COL1A2: variants seen among roughly 807,000 people sequenced by gnomAD.
The protein encoded by COL1A2 is collagen alpha-2(I) chain.
COL1A2 carries 49 observed loss-of-function variants against 174.3 expected under a neutral mutation model. The ratio of observed to expected loss-of-function variants is 0.28; its 90% CI spans 0.22 to 0.36. COL1A2 has a LOEUF of 0.36. Among genes scored for constraint, COL1A2 ranks in the 10% least tolerant of loss-of-function variants. The pLI, the probability that COL1A2 is intolerant of heterozygous loss-of-function variation, is 1.00. For missense variants in COL1A2, 1,438 were observed against 1,822.7 expected (o/e 0.79, Z 3.84); for synonymous variants, 655 against 606.6 (o/e 1.08, Z -1.17).
Position 94,401,596 on chromosome 7 carries a change from A to G in COL1A2, c.255A>G (p.Gly85=), listed in dbSNP as rs772309296. The change falls in exon 6 of 52, where the codon GGA becomes GGG. Residue 85 remains glycine (G), a synonymous_variant. Transcript: ENST00000297268. The stretch of plus-strand genomic sequence containing the variant: ...TTGCTGCTCAGTATGATGGAAAAGG[A>G]GTTGGACTTGGCCCTGGACCAATGG... ...GNFAAQYDGK[G]VGLGPGPMGL... The G allele has an allele frequency of 1.3e-6, 2 of 1,575,028 alleles. No homozygotes were observed. Among genetic ancestry groups the G allele is most frequent in the Admixed American group, 3.4e-5 (2 of 58,622 alleles).
chr7:94,406,266 A>G lies in COL1A2; in HGVS notation c.557A>G (p.Asp186Gly). Residue 186 changes from aspartate to glycine, a missense_variant, in exon 12 of 52, where the codon GAT becomes GGT. By Grantham distance (94) the Asp-to-Gly change is moderately conservative. This residue lies in a region of COL1A2 where 281 missense variants were observed against 310.9 expected (regional missense o/e 0.90). Transcript: ENST00000297268. ...TCCTTTCAGGGACACAATGGTCTGGATGGATTGAAGGGACAGCCCGGTGCT... is the reference window on the plus strand; with the variant it reads ...TCCTTTCAGGGACACAATGGTCTGGGTGGATTGAAGGGACAGCCCGGTGCT... ...FKGIRGHNGL[D>G]GLKGQPGAPG... 6.2e-7 allele frequency: 1 copy of G among 1,613,950 alleles called. No individual in the cohort carries two copies. Among genetic ancestry groups the G allele is most frequent in the Non-Finnish European group, 8.5e-7 (1 of 1,179,848 alleles).
chr7:94,407,980 C>T, intron 13 of COL1A2, 89 bp downstream of exon 13: 1 of 1,292,552 alleles, frequency 7.7e-7, no homozygotes, highest in South Asian at 1.2e-5. Flanking sequence ...TCACTGTATC[C>T]TTCAGCATTG....
At chr7:94,421,393 C>T (rs1015188839) in intron 38 of COL1A2, 2 of 425,452 alleles carry the variant, frequency 4.7e-6, no homozygotes, top group African/African-American at 2.0e-5. Flanking sequence ...AATGCTATCA[C>T]AACAATTCTC....
chr7:94,409,899 C>A, intron 19 of COL1A2, 78 bp downstream of exon 19: 1 of 1,372,860 alleles, frequency 7.3e-7, no homozygotes, highest in Non-Finnish European at 1.0e-6. Flanking sequence ...TAGACTTCCA[C>A]TTGTAGTTTT....
At chr7:94,402,742 G>T (rs1274456180) in intron 6 of COL1A2, among the ~76,000 whole-genome samples, 1 of 152,040 alleles carries the variant, frequency 6.6e-6, no homozygotes, top group Non-Finnish European at 1.5e-5. Context: ...CAAAACAAAG[G>T]TATTTATCTG....
rs190115417 is a variant in COL1A2, at chr7:94,430,588, C to T, written c.*195C>T. 125 of 599,196 alleles carry T rather than the reference C, an allele frequency of 2.1e-4. No homozygotes were observed. In the East Asian group the frequency reaches 2.5e-3, roughly 12 times the overall value. The allele number at this position is 599,196 out of a possible 1,614,324, so 37.1% of individuals were successfully genotyped here. A position where few individuals can be genotyped will look rare whatever the true frequency, so the allele number is the denominator to read the frequency against. On this transcript the variant is annotated 3_prime_UTR_variant, in exon 52 of 52. Transcript: ENST00000297268. Reference sequence around the variant, plus strand: ...ATACAGTTTCATTAACTCCTTCCCCCGCTCCCCCAAAAATTTGAATTTTTT... The same window carrying T: ...ATACAGTTTCATTAACTCCTTCCCCTGCTCCCCCAAAAATTTGAATTTTTT...
In COL1A2 at chr7:94,413,013, A is replaced by T; in HGVS notation, c.1504-70A>T. The T allele has an allele frequency of 1.3e-6, 2 of 1,484,096 alleles. 1 individual carries two copies. Among genetic ancestry groups the T allele is most frequent in the South Asian group, 2.3e-5 (2 of 88,536 alleles). 91.9% of individuals were successfully genotyped at this position (1,484,096 alleles called of 1,614,324 possible). Reference sequence around the variant, plus strand: ...AAACAAGCAGGATTCAACATTGCAAAATCACCGTGGTTAATTTGACATTAA... The same window carrying T: ...AAACAAGCAGGATTCAACATTGCAATATCACCGTGGTTAATTTGACATTAA... On this transcript the variant is annotated intron_variant, in intron 25 of 51. Coordinates refer to ENST00000297268, the MANE Select transcript of COL1A2 (RefSeq NM_000089.4).
At chr7:94,402,479 A>G (rs1334078592) in intron 6 of COL1A2, among the ~76,000 whole-genome samples, 1 of 152,122 alleles carries the variant, frequency 6.6e-6, no homozygotes, top group Non-Finnish European at 1.5e-5. Flanking sequence ...ACCATACCCT[A>G]TCAGTGGAGC....
chr7:94,405,764 A>G (rs1191767610), intron 11 of COL1A2, 38 bp downstream of exon 11: 1 of 1,558,666 alleles, frequency 6.4e-7, no homozygotes, highest in African/African-American at 1.4e-5. Context: ...GAAAATGCCT[A>G]TTAATTTTTG....
At position 94,419,555 on chromosome 7, in the gene COL1A2, A is replaced by C. The variant is rs1792108697; in HGVS notation, c.2079+4A>C. The C allele has an allele frequency of 6.2e-7, 1 of 1,613,810 alleles. No homozygotes were observed. The highest frequency in any genetic ancestry group is 1.3e-5 in the African/African-American group (1 of 74,862). ...TGCTGGAGCCACAGGTGACCGGGTAAGCATGCATTTTCACTAAGCCAACAG... is the reference window on the plus strand; with the variant it reads ...TGCTGGAGCCACAGGTGACCGGGTACGCATGCATTTTCACTAAGCCAACAG... On this transcript the variant is annotated splice_donor_region_variant and intron_variant, in intron 34 of 51. Coordinates refer to ENST00000297268, the MANE Select transcript of COL1A2 (RefSeq NM_000089.4).
chr7:94,419,586 T>C, intron 34 of COL1A2, 35 bp downstream of exon 34: 1 of 1,613,416 alleles, frequency 6.2e-7, no homozygotes, highest in Non-Finnish European at 8.5e-7. Context: ...AACAGCAATA[T>C]CTAAAATTTC....
At position 94,411,048 on chromosome 7, in the gene COL1A2, T is replaced by G; in HGVS notation, c.1252-8T>G. On this transcript the variant is annotated splice_polypyrimidine_tract_variant and splice_region_variant and intron_variant, in intron 22 of 51. Coordinates refer to ENST00000297268, the MANE Select transcript of COL1A2 (RefSeq NM_000089.4). ...TCCTCTATCTGTTTTTTTTTTTTTT[T>G]TGAATAGGGCCCTCCTGGTAGTCGT... The G allele has an allele frequency of 6.3e-7, 1 of 1,599,406 alleles. No homozygotes were observed. Among genetic ancestry groups the G allele is most frequent in the Non-Finnish European group, 8.5e-7 (1 of 1,173,002 alleles).
chr7:94,406,724 CT>C (rs1346842954), intron 12 of COL1A2, among the ~76,000 whole-genome samples: 1 of 152,142 alleles, frequency 6.6e-6, no homozygotes, highest in African/African-American at 2.4e-5. Flanking sequence ...TTTTCAACCT[CT>C]TTCCTGTGAT....
Position 94,409,584 on chromosome 7 carries a change from C to T in COL1A2, c.912C>T (p.Gly304=), listed in dbSNP as rs1308050075. The T allele has an allele frequency of 6.2e-7, 1 of 1,614,146 alleles. No homozygotes were observed. The highest frequency in any genetic ancestry group is 2.2e-5 in the East Asian group (1 of 44,878). Residue 304 remains glycine, a synonymous_variant, in exon 18 of 52, where the codon GGC becomes GGT. Coordinates refer to ENST00000297268, the MANE Select transcript of COL1A2 (RefSeq NM_000089.4). ...CATAGGGTAATCCTGGAGCAAACGG[C>T]CTTACTGGTGCCAAGGGTGCTGCTG... ...VGPPGNPGAN[G]LTGAKGAAGL...
chr7:94,427,550 C>A, intron 48 of COL1A2, 77 bp from the exon 49 acceptor site: 3 of 1,531,592 alleles, frequency 2.0e-6, no homozygotes, highest in Non-Finnish European at 2.7e-6. Flanking sequence ...TGAAGCTCAA[C>A]TGAAAATCTG....
At position 94,413,095 on chromosome 7, in the gene COL1A2, A is replaced by C. The variant is rs1037367793; in HGVS notation, c.1516A>C (p.Lys506Gln). The C allele has an allele frequency of 3.7e-6, 6 of 1,614,054 alleles. No individual in the cohort carries two copies. The highest frequency in any genetic ancestry group is 5.1e-6 in the Non-Finnish European group (6 of 1,180,008). The part of the protein sequence containing the change: ...GPKGPTGDPG[K>Q]NGDKGHAGLA... ...ATTTTTACTCTAGGGTGATCCTGGCAAAAACGGTGATAAAGGTCATGCTGG... is the reference window on the plus strand; with the variant it reads ...ATTTTTACTCTAGGGTGATCCTGGCCAAAACGGTGATAAAGGTCATGCTGG... The change falls in exon 26 of 52, where the codon AAA becomes CAA. Residue 506 changes from lysine to glutamine, a missense_variant. Physicochemically the swap from Lys to Gln is moderately conservative, Grantham distance 53. Coordinates refer to ENST00000297268, the MANE Select transcript of COL1A2 (RefSeq NM_000089.4).
chr7:94,415,690 G>C (rs1792026154), intron 30 of COL1A2, among the ~76,000 whole-genome samples: 1 of 152,026 alleles, frequency 6.6e-6, no homozygotes, highest in South Asian at 2.1e-4. Flanking sequence ...TTTCTCTATG[G>C]GTATTAGCAT....
intron 1 of COL1A2, among the ~76,000 whole-genome samples, chr7:94,396,270 A>ACTGTG (rs1791580696): frequency 1.3e-5 from 2 of 152,006 alleles, no homozygotes; most frequent in Non-Finnish European, 2.9e-5. Flanking sequence ...CCACCCACAC[A>ACTGTG]GCACGGTGTC....
chr7:94,398,854 GA>G (rs890645483), intron 3 of COL1A2, among the ~76,000 whole-genome samples, 194 bp from the exon 4 acceptor site: 2 of 151,626 alleles, frequency 1.3e-5, no homozygotes, highest in Admixed American at 6.6e-5. Context: ...TCCTCCAGCT[GA>G]AAAAAAATTA....
Sources: gnomAD v4.1 joint callset for allele counts (sites outside exome capture counted in the v4.1 genomes callset) on GRCh38, gnomAD v4.1.1 for gene constraint, gnomAD v4.1.1 regional missense constraint, MANE v1.5 for transcripts, NCBI Gene and HGNC (gene_info 2026-07-23, HGNC 2026-07-21) for gene names.